The following ARMC8 variants were observed in gnomAD, a reference collection of about 807,000 sequenced individuals.
ARMC8 encodes armadillo repeat containing 8, also known as armadillo repeat-containing protein 8.
In ARMC8, 20 loss-of-function variants were observed where a neutral mutation model predicts 99.3. The observed-to-expected ratio is 0.20, with a 90% CI of 0.14 to 0.29. The LOEUF is 0.29. Among genes scored for constraint, ARMC8 ranks in the 10% least tolerant of loss-of-function variants. The probability of loss-of-function intolerance (pLI) is 1.00; values close to 1 mark genes in which losing one functional copy is unlikely to be tolerated. For synonymous variants in ARMC8, 263 were observed against 278.3 expected (o/e 0.95, Z 0.55); for missense variants, 569 against 809.5 (o/e 0.70, Z 3.60).
chr3:138,249,966 T>A (rs562457418), intron 12 of ARMC8, among the ~76,000 whole-genome samples: 1 of 152,340 alleles, frequency 6.6e-6, no homozygotes, highest in South Asian at 2.1e-4. Context: ...TTACTTTAAA[T>A]ACTTTCTAAA....
At chr3:138,195,950 G>A (rs1163375374) in intron 1 of ARMC8, among the ~76,000 whole-genome samples, 1 of 151,930 alleles carries the variant, frequency 6.6e-6, no homozygotes, top group Non-Finnish European at 1.5e-5. Context: ...GTAGGTATTA[G>A]AGGAAGGAGG....
chr3:138,203,176 T>C (rs918679704), intron 1 of ARMC8, among the ~76,000 whole-genome samples: 2 of 152,228 alleles, frequency 1.3e-5, no homozygotes, highest in African/African-American at 4.8e-5. Flanking sequence ...CCAACAATCT[T>C]ATTTTATGCA....
At chr3:138,248,303 TAGAG>T (rs2046971300) in intron 12 of ARMC8, among the ~76,000 whole-genome samples, 1 of 152,246 alleles carries the variant, frequency 6.6e-6, no homozygotes. Context: ...GGATTTTGGT[TAGAG>T]AGAGTAAGAG....
At chr3:138,188,203 C>T (rs571431434) in intron 1 of ARMC8, 36 of 360,016 alleles carry the variant, frequency 1.0e-4, no homozygotes, top group Non-Finnish European at 1.7e-4. Context: ...AAGCCCCTTT[C>T]CTCCGCTCTG....
At chr3:138,234,436 G>T (rs2046227756) in intron 6 of ARMC8, among the ~76,000 whole-genome samples, 1 of 152,160 alleles carries the variant, frequency 6.6e-6, no homozygotes, top group African/African-American at 2.4e-5. Flanking sequence ...AAAGAAAAAT[G>T]AGATAGAAAT....
chr3:138,208,781 A>G (rs2044532735), intron 1 of ARMC8, among the ~76,000 whole-genome samples: 1 of 152,224 alleles, frequency 6.6e-6, no homozygotes, highest in Admixed American at 6.5e-5. Flanking sequence ...AATATGAAGC[A>G]TCAAAAATTA....
intron 17 of ARMC8, among the ~76,000 whole-genome samples, 175 bp downstream of exon 17, chr3:138,273,291 G>A (rs2048954911): frequency 1.3e-5 from 2 of 152,154 alleles, no homozygotes; most frequent in African/African-American, 4.8e-5. Context: ...GGTGTTCTGG[G>A]AGCTGCTTCA....
rs2048650743 is a variant in ARMC8, at chr3:138,270,120, T to G, written c.1467T>G (p.Ile489Met). Residue 489 changes from isoleucine (I) to methionine (M), a missense_variant, in exon 16 of 22, where the codon ATT becomes ATG. Around this residue, in one of 2 missense-constraint regions of ARMC8, gnomAD observed 227 missense variants for 417.9 expected, o/e 0.54. Transcript: ENST00000469044. Reference sequence around the variant, plus strand: ...ATCCTGCTTTACGAGTGAATGGAATTTGGGCTTTAATGGTACGTTTCACTT... The same window carrying G: ...ATCCTGCTTTACGAGTGAATGGAATGTGGGCTTTAATGGTACGTTTCACTT... ...SENPALRVNG[I>M]WALMNMAFQA... 1.2e-6 allele frequency: 2 copies of G among 1,611,134 alleles called. No individual in the cohort carries two copies. Among genetic ancestry groups the G allele is most frequent in the Non-Finnish European group, 1.7e-6 (2 of 1,177,456 alleles).
intron 4 of ARMC8, 33 bp from the exon 5 acceptor site, chr3:138,223,603 A>G: frequency 6.2e-7 from 1 of 1,613,820 alleles, no homozygotes; most frequent in Non-Finnish European, 8.5e-7. Context: ...ACTGGTTGAA[A>G]GGATTAGTCC....
At chr3:138,273,237 T>C in intron 17 of ARMC8, 121 bp downstream of exon 17, 1 of 1,086,572 alleles carries the variant, frequency 9.2e-7, no homozygotes, top group South Asian at 1.9e-5. Flanking sequence ...GCTGCCCCCT[T>C]CCAAAGAAAC....
In ARMC8 at chr3:138,298,278, T is replaced by C. The variant is rs576911616; in HGVS notation, c.*2386T>C. The C allele has an allele frequency of 2.6e-5, 4 of 152,268 alleles. No homozygotes were observed. The highest frequency in any genetic ancestry group is 5.9e-5 in the Non-Finnish European group (4 of 68,052). 9.4% of individuals were successfully genotyped at this position (152,268 alleles called of 1,614,324 possible). A position where few individuals can be genotyped will look rare whatever the true frequency, so the allele number is the denominator to read the frequency against. On this transcript the variant is annotated 3_prime_UTR_variant, in exon 22 of 22. Transcript: ENST00000469044. ...TCCAATTTAATAAGTTGCATTTTTT[T>C]TTCTTTAAGCACTTTATTCAGAACA...
At chr3:138,274,670 A>G in intron 18 of ARMC8, 126 bp downstream of exon 18, 1 of 671,010 alleles carries the variant, frequency 1.5e-6, no homozygotes, top group East Asian at 2.7e-5. Context: ...CTCTAGAAAT[A>G]GGAAGAAATA....
intron 12 of ARMC8, among the ~76,000 whole-genome samples, chr3:138,251,650 C>T (rs1328610801): frequency 6.6e-6 from 1 of 152,130 alleles, no homozygotes; most frequent in African/African-American, 2.4e-5. Context: ...CCAGGTTTTG[C>T]CACTTGCCCA....
intron 1 of ARMC8, among the ~76,000 whole-genome samples, chr3:138,208,794 T>C (rs1329042162): frequency 1.3e-5 from 2 of 152,146 alleles, no homozygotes; most frequent in Non-Finnish European, 2.9e-5. Context: ...AAAAATTAAA[T>C]ATTAAAAAAG....
intron 1 of ARMC8, chr3:138,188,238 G>A (rs1270993750): frequency 3.8e-6 from 2 of 522,070 alleles, no homozygotes; most frequent in Non-Finnish European, 6.3e-6. Flanking sequence ...CTCTGAGTCA[G>A]AGGAACTCTA....
At chr3:138,245,518 C>G in intron 12 of ARMC8, 1 of 1,194,138 alleles carries the variant, frequency 8.4e-7, no homozygotes. Context: ...CTTGAAAGTC[C>G]TAACATTAGA....
chr3:138,188,543 A>ATGGT (rs2043203717), intron 1 of ARMC8: 2 of 1,613,952 alleles, frequency 1.2e-6, no homozygotes, highest in Admixed American at 3.3e-5. Flanking sequence ...CAGTTTACCA[A>ATGGT]TGGTTCATTT....
intron 15 of ARMC8, among the ~76,000 whole-genome samples, chr3:138,267,905 CA>C (rs1485418551): frequency 2.0e-5 from 3 of 152,062 alleles, no homozygotes; most frequent in African/African-American, 7.3e-5. Flanking sequence ...TGCATTATAA[CA>C]CTTGTAGGCA....
intron 1 of ARMC8, among the ~76,000 whole-genome samples, chr3:138,205,825 G>A (rs1054746399): frequency 1.2e-4 from 18 of 152,194 alleles, no homozygotes; most frequent in Admixed American, 1.2e-3. Flanking sequence ...CAGATCATGT[G>A]TCTATTTCCC....
Sources: allele counts gnomAD v4.1 joint callset (sites outside exome capture counted in the v4.1 genomes callset), GRCh38; gene constraint gnomAD v4.1.1; regional missense constraint gnomAD v4.1.1; transcripts MANE v1.5; gene names NCBI Gene and HGNC (gene_info 2026-07-23, HGNC 2026-07-21).